Variants in AATF observed in about 807,000 individuals in gnomAD.
The protein encoded by AATF is apoptosis antagonizing transcription factor, also known as protein AATF.
A neutral mutation model predicts 63.7 loss-of-function variants in AATF; 48 were observed. The observed-to-expected ratio is 0.75, with a 90% CI of 0.60 to 0.96. The LOEUF is 0.96. Ranked by LOEUF, AATF falls within the 40% of genes least tolerant of loss-of-function variation. AATF has a pLI of 0.00. For missense variants in AATF, 639 were observed against 685.7 expected, an observed-to-expected ratio of 0.93 and a Z score of 0.76; for synonymous variants, 258 against 247.7, an observed-to-expected ratio of 1.04 and a Z score of -0.39.
chr17:36,988,604 A>G lies in AATF; in HGVS notation c.1033A>G (p.Met345Val), dbSNP rs987119205. The G allele has an allele frequency of 1.2e-6, 2 of 1,614,154 alleles. No homozygotes were observed. Among genetic ancestry groups the G allele is most frequent in the Non-Finnish European group, 1.7e-6 (2 of 1,179,970 alleles). Residue 345 changes from methionine (M) to valine (V), a missense_variant, in exon 6 of 12, where the codon ATG becomes GTG. Coordinates refer to ENST00000619387, the MANE Select transcript of AATF (RefSeq NM_012138.4). ...RRVPAKRKLEMEDYPSFMAKR... is the reference protein window; with the variant it reads ...RRVPAKRKLEVEDYPSFMAKR... ...GGTCCCTGCAAAGAGGAAGCTGGAG[A>G]TGGAGGACTATCCCAGCTTCATGGC...
At chr17:37,024,275 G>A (rs2071494839) in intron 10 of AATF, among the ~76,000 whole-genome samples, 1 of 152,220 alleles carries the variant, frequency 6.6e-6, no homozygotes, top group Non-Finnish European at 1.5e-5. Flanking sequence ...CTTCCTCACT[G>A]AGCCTTGAGA....
intron 8 of AATF, among the ~76,000 whole-genome samples, chr17:37,002,826 T>A (rs1035378349): frequency 6.6e-6 from 1 of 151,632 alleles, no homozygotes. Flanking sequence ...ATTAGAAGAC[T>A]TAACATTATT....
intron 4 of AATF, among the ~76,000 whole-genome samples, chr17:36,968,787 A>G (rs896001084): frequency 6.6e-5 from 10 of 151,314 alleles, no homozygotes; most frequent in African/African-American, 2.2e-4. Flanking sequence ...CCATCTGGCT[A>G]TTTTTTATTT....
intron 11 of AATF, among the ~76,000 whole-genome samples, chr17:37,044,546 A>G (rs929747323): frequency 3.3e-5 from 5 of 152,140 alleles, no homozygotes; most frequent in Admixed American, 2.6e-4. Context: ...CTCCTGCTAT[A>G]TACTATATAC....
chr17:37,023,079 G>T (rs867513633), intron 10 of AATF, among the ~76,000 whole-genome samples: 1 of 152,164 alleles, frequency 6.6e-6, no homozygotes, highest in South Asian at 2.1e-4. Context: ...GGACATAAAT[G>T]TTCTCTAGAA....
At chr17:37,014,096 C>G (rs2142280946) in intron 8 of AATF, among the ~76,000 whole-genome samples, 1 of 152,146 alleles carries the variant, frequency 6.6e-6, no homozygotes, top group East Asian at 1.9e-4. Flanking sequence ...GTACATCTTT[C>G]TGTGAAAGAG....
intron 4 of AATF, among the ~76,000 whole-genome samples, chr17:36,961,926 C>T (rs539538468): frequency 3.3e-5 from 5 of 152,296 alleles, no homozygotes; most frequent in African/African-American, 7.2e-5. Context: ...CTGCCTGTCT[C>T]AGCCTCCCAA....
chr17:37,013,895 C>G lies in AATF; in HGVS notation c.1399-5110C>G, dbSNP rs191299975. On this transcript the variant is annotated intron_variant, in intron 8 of 11. Coordinates refer to ENST00000619387, the MANE Select transcript of AATF (RefSeq NM_012138.4). The stretch of plus-strand genomic sequence containing the variant: ...ACATGCCTTGAATATATAAAATAAC[C>G]TATCCTTTTGCACCTCCCTTCTACT... Among the ~76,000 whole-genome samples the G allele has an allele frequency of 4.6e-5, 7 of 152,172 alleles. No homozygotes were observed. In the East Asian group the frequency reaches 1.4e-3, roughly 29 times the overall value.
intron 4 of AATF, among the ~76,000 whole-genome samples, chr17:36,964,710 T>C (rs1445500394): frequency 1.3e-5 from 2 of 152,208 alleles, no homozygotes; most frequent in African/African-American, 4.8e-5. Flanking sequence ...AAAATCATGC[T>C]ATTTTCAGTT....
At chr17:37,011,093 G>A (rs143715701) in intron 8 of AATF, among the ~76,000 whole-genome samples, 3 of 152,320 alleles carry the variant, frequency 2.0e-5, no homozygotes, top group African/African-American at 4.8e-5. Context: ...TATGAGGGCC[G>A]GGTGTTGTGG....
chr17:36,960,022 T>G (rs551830628), intron 4 of AATF, among the ~76,000 whole-genome samples: 17 of 150,704 alleles, frequency 1.1e-4, no homozygotes, highest in Non-Finnish European at 1.5e-4. Flanking sequence ...TAAAATTTTT[T>G]TCCCCCCCCG....
At chr17:37,000,611 T>C (rs2071286875) in intron 8 of AATF, among the ~76,000 whole-genome samples, 1 of 152,166 alleles carries the variant, frequency 6.6e-6, no homozygotes, top group African/African-American at 2.4e-5. Context: ...AGGCTGAAGG[T>C]ATAAATTTGT....
At chr17:36,973,096 T>A (rs1446427907) in intron 4 of AATF, among the ~76,000 whole-genome samples, 3 of 151,386 alleles carry the variant, frequency 2.0e-5, no homozygotes, top group Non-Finnish European at 4.4e-5. Context: ...GCAATTGCAG[T>A]TAATCCTGCT....
chr17:36,984,858 A>T (rs1191788373), intron 4 of AATF, among the ~76,000 whole-genome samples: 1 of 151,822 alleles, frequency 6.6e-6, no homozygotes, highest in Non-Finnish European at 1.5e-5. Context: ...GGCTGGACTC[A>T]AACTCCTGTG....
At chr17:37,041,444 ACT>A (rs1272679160) in intron 11 of AATF, among the ~76,000 whole-genome samples, 1 of 151,712 alleles carries the variant, frequency 6.6e-6, no homozygotes, top group East Asian at 1.9e-4. Flanking sequence ...AAGTTACATG[ACT>A]CTTTTCTTTC....
chr17:37,019,980 A>G (rs2071457135), intron 9 of AATF, among the ~76,000 whole-genome samples: 1 of 152,202 alleles, frequency 6.6e-6, no homozygotes, highest in South Asian at 2.1e-4. Context: ...TATTAAGATT[A>G]CAGTAATTGG....
chr17:36,993,412 G>A (rs972222926), intron 8 of AATF, among the ~76,000 whole-genome samples: 3 of 152,202 alleles, frequency 2.0e-5, no homozygotes, highest in African/African-American at 7.2e-5. Context: ...ACACAAGGTA[G>A]CACCTGTTCT....
chr17:36,956,442 G>T (rs1366172542), intron 4 of AATF, among the ~76,000 whole-genome samples: 1 of 152,184 alleles, frequency 6.6e-6, no homozygotes, highest in Non-Finnish European at 1.5e-5. Context: ...GGAGGCCGAG[G>T]TGGGCTGATC....
chr17:37,047,024 C>T (rs575375734), intron 11 of AATF, among the ~76,000 whole-genome samples: 3 of 152,124 alleles, frequency 2.0e-5, no homozygotes, highest in African/African-American at 4.8e-5. Flanking sequence ...GGTGGCTTGA[C>T]GTTAATATTA....
Sources: allele counts gnomAD v4.1 joint callset (sites outside exome capture counted in the v4.1 genomes callset), GRCh38; gene constraint gnomAD v4.1.1; transcripts MANE v1.5; gene names NCBI Gene and HGNC (gene_info 2026-07-23, HGNC 2026-07-21).